SRRM4: variants seen among roughly 807,000 people sequenced by gnomAD.
SRRM4 encodes the protein serine/arginine repetitive matrix 4.
A neutral mutation model predicts 68.9 loss-of-function variants in SRRM4; 33 were observed. The ratio of observed to expected loss-of-function variants is 0.48; its 90% CI spans 0.36 to 0.64. SRRM4 has a LOEUF of 0.64. Among genes scored for constraint, SRRM4 ranks in the 30% least tolerant of loss-of-function variants. The probability of loss-of-function intolerance (pLI) is 0.00; values close to 1 mark genes in which losing one functional copy is unlikely to be tolerated. For missense variants in SRRM4, 817 were observed against 827.1 expected (o/e 0.99, Z 0.15); for synonymous variants, 318 against 318.8 (o/e 1.00, Z 0.03).
intron 8 of SRRM4, among the ~76,000 whole-genome samples, chr12:119,137,587 G>GGAGAGAGAGAGAGAGA: frequency 8.4e-6 from 1 of 119,194 alleles, no homozygotes; most frequent in African/African-American, 3.7e-5. Flanking sequence ...GGTTTGGAGT[G>GGAGAGAGAGAGAGAGA]GAGAGAGAGA....
At chr12:119,069,920 C>G (rs1256699125) in intron 1 of SRRM4, among the ~76,000 whole-genome samples, 1 of 152,054 alleles carries the variant, frequency 6.6e-6, no homozygotes, top group Non-Finnish European at 1.5e-5. Context: ...TAAATACCTA[C>G]CAGGGTCATA....
At chr12:119,156,402 A>G in intron 12 of SRRM4, 93 bp from the exon 13 acceptor site, 2 of 1,461,714 alleles carry the variant, frequency 1.4e-6, no homozygotes, top group Non-Finnish European at 9.0e-7. Flanking sequence ...GGGGAAAGGG[A>G]GGATATTGGT....
intron 1 of SRRM4, among the ~76,000 whole-genome samples, chr12:119,012,161 G>C (rs11609314): frequency 1.3e-5 from 2 of 152,096 alleles, no homozygotes; most frequent in African/African-American, 4.8e-5. Flanking sequence ...TGGGATCATC[G>C]TCTGGGAATT....
chr12:119,092,140 T>C (rs530574914), intron 1 of SRRM4, among the ~76,000 whole-genome samples: 2 of 152,302 alleles, frequency 1.3e-5, no homozygotes, highest in East Asian at 3.9e-4. Context: ...TTGAGCCATC[T>C]TCTTATTTAA....
At position 119,151,222 on chromosome 12, in the gene SRRM4, T is replaced by A; in HGVS notation, c.1280+2T>A. 1 of 1,613,588 alleles carries A rather than the reference T, an allele frequency of 6.2e-7. No homozygotes were observed. The highest frequency in any genetic ancestry group is 8.5e-7 in the Non-Finnish European group (1 of 1,179,530). On this transcript the variant is annotated splice_donor_variant, in intron 10 of 12. Coordinates refer to ENST00000267260, the MANE Select transcript of SRRM4 (RefSeq NM_194286.4). LOFTEE classifies it high-confidence loss of function. ...CCGATCCACCTCTTCTGAAAAAAGG[T>A]GAGTGTGGTTTTGACCTTTGCTCTG...
At chr12:118,983,127 G>C (rs1025276541) in intron 1 of SRRM4, among the ~76,000 whole-genome samples, 1 of 152,196 alleles carries the variant, frequency 6.6e-6, no homozygotes, top group African/African-American at 2.4e-5. Flanking sequence ...CTGAACGTCT[G>C]TTCTGGCACA....
At chr12:119,130,333 T>A (rs1954288475) in intron 7 of SRRM4, among the ~76,000 whole-genome samples, 2 of 151,358 alleles carry the variant, frequency 1.3e-5, no homozygotes, top group South Asian at 4.2e-4. Context: ...GATGGATGGA[T>A]ACATGATTGG....
At chr12:119,041,956 A>C (rs1394782044) in intron 1 of SRRM4, among the ~76,000 whole-genome samples, 1 of 152,176 alleles carries the variant, frequency 6.6e-6, no homozygotes, top group Non-Finnish European at 1.5e-5. Context: ...GGGTGGTAAC[A>C]AATCTTTCCA....
At chr12:119,055,934 G>A (rs1953773338) in intron 1 of SRRM4, among the ~76,000 whole-genome samples, 1 of 152,230 alleles carries the variant, frequency 6.6e-6, no homozygotes. Flanking sequence ...AACCCATGCT[G>A]TACTGCCTAA....
chr12:119,040,037 T>C (rs988067689), intron 1 of SRRM4, among the ~76,000 whole-genome samples: 2 of 152,070 alleles, frequency 1.3e-5, no homozygotes, highest in African/African-American at 4.8e-5. Flanking sequence ...GAAATGTTAG[T>C]TATATGTAAC....
rs748609158 is a variant in SRRM4 at position 119,102,216 on chromosome 12, C to T, written c.132-20C>T. The T allele has an allele frequency of 1.2e-6, 2 of 1,600,498 alleles. No individual in the cohort carries two copies. The highest frequency in any genetic ancestry group is 2.2e-5 in the South Asian group (2 of 89,942). On this transcript the variant is annotated intron_variant, in intron 1 of 12. Coordinates refer to ENST00000267260, the MANE Select transcript of SRRM4 (RefSeq NM_194286.4). ...TCTGTATATTCTAACACTTTTGTGTCCTTATTTCTTCTTCTGTAGGACAGA... is the reference window on the plus strand; with the variant it reads ...TCTGTATATTCTAACACTTTTGTGTTCTTATTTCTTCTTCTGTAGGACAGA...
At chr12:119,019,961 C>CCCCAAA (rs547396065) in intron 1 of SRRM4, among the ~76,000 whole-genome samples, 9 of 90,016 alleles carry the variant, frequency 1.0e-4, no homozygotes, top group Admixed American at 2.5e-4. Flanking sequence ...CCCCCCCCCC[C>CCCCAAA]AAAAAAAAAT....
At chr12:119,027,717 C>T (rs1337872606) in intron 1 of SRRM4, among the ~76,000 whole-genome samples, 4 of 152,164 alleles carry the variant, frequency 2.6e-5, no homozygotes, top group Non-Finnish European at 4.4e-5. Flanking sequence ...TTAGGCTTTA[C>T]TCCCCACAAC....
intron 4 of SRRM4, 127 bp downstream of exon 4, chr12:119,117,135 C>A (rs1221927134): frequency 1.0e-5 from 8 of 802,568 alleles, no homozygotes; most frequent in Non-Finnish European, 1.6e-5. Context: ...TGTCTTTTTA[C>A]GTATTTGTGT....
At chr12:118,990,388 C>T (rs1380951495) in intron 1 of SRRM4, among the ~76,000 whole-genome samples, 2 of 152,188 alleles carry the variant, frequency 1.3e-5, no homozygotes, top group Admixed American at 6.5e-5. Flanking sequence ...ATGTGAATTG[C>T]TTAATGACTG....
chr12:119,009,640 CA>C (rs1953436663), intron 1 of SRRM4, among the ~76,000 whole-genome samples: 2 of 152,166 alleles, frequency 1.3e-5, no homozygotes, highest in African/African-American at 4.8e-5. Flanking sequence ...TTCTTCTGTG[CA>C]AAATGGAAAT....
chr12:119,108,795 T>C (rs1436329600), intron 2 of SRRM4, among the ~76,000 whole-genome samples: 2 of 152,234 alleles, frequency 1.3e-5, no homozygotes, highest in Admixed American at 1.3e-4. Flanking sequence ...CTGTGTCTTT[T>C]AATTGGAGCA....
chr12:119,068,636 T>C (rs950449668), intron 1 of SRRM4, among the ~76,000 whole-genome samples: 4 of 152,074 alleles, frequency 2.6e-5, no homozygotes, highest in African/African-American at 9.7e-5. Flanking sequence ...CGCAGACCCC[T>C]GGGCACGGGA....
intron 1 of SRRM4, among the ~76,000 whole-genome samples, chr12:119,018,631 G>C (rs990738006): frequency 1.3e-5 from 2 of 152,140 alleles, no homozygotes; most frequent in Non-Finnish European, 2.9e-5. Context: ...ACAGAAAAGA[G>C]AGAGGTAGAG....
Sources: allele counts gnomAD v4.1 joint callset (sites outside exome capture counted in the v4.1 genomes callset), GRCh38; gene constraint gnomAD v4.1.1; transcripts MANE v1.5; gene names NCBI Gene and HGNC (gene_info 2026-07-23, HGNC 2026-07-21).